Variants in SPOCK3 observed in about 807,000 individuals in gnomAD.
The protein encoded by SPOCK3 is testican-3.
A neutral mutation model predicts 56.6 loss-of-function variants in SPOCK3; 30 were observed. That is an observed-to-expected ratio of 0.53 (90% confidence interval 0.40 to 0.72). The LOEUF (loss-of-function observed/expected upper bound fraction) is 0.72, where lower values mean the gene tolerates loss of function less well. Ranked by LOEUF, SPOCK3 falls within the 30% of genes least tolerant of loss-of-function variation. The pLI is 0.00. For synonymous variants in SPOCK3, 196 were observed against 183.3 expected (o/e 1.07, Z -0.56); for missense variants, 527 against 530.0 (o/e 0.99, Z 0.06).
intron 4 of SPOCK3, among the ~76,000 whole-genome samples, chr4:166,970,462 G>A: frequency 6.6e-6 from 1 of 152,184 alleles, no homozygotes; most frequent in Non-Finnish European, 1.5e-5. Context: ...GGTGGCTTGT[G>A]CCTGTAATCC....
intron 3 of SPOCK3, among the ~76,000 whole-genome samples, chr4:167,053,979 A>G (rs11732359): frequency 0.13 from 19,934 of 152,130 alleles, 1,560 homozygotes; most frequent in East Asian, 0.17. Context: ...TTTTTAATTT[A>G]TTCATAATAA....
chr4:166,830,270 C>T (rs1745895887), intron 6 of SPOCK3, among the ~76,000 whole-genome samples: 1 of 152,166 alleles, frequency 6.6e-6, no homozygotes, highest in Non-Finnish European at 1.5e-5. Context: ...GCTTTCAAAT[C>T]AGATCATTTA....
At chr4:167,226,194 G>T (rs1736576910) in intron 2 of SPOCK3, among the ~76,000 whole-genome samples, 1 of 152,170 alleles carries the variant, frequency 6.6e-6, no homozygotes, top group South Asian at 2.1e-4. Flanking sequence ...TTGGTAAGTA[G>T]ATTCAGTCTC....
At chr4:166,766,634 T>C (rs545801222) in intron 7 of SPOCK3, among the ~76,000 whole-genome samples, 1 of 152,344 alleles carries the variant, frequency 6.6e-6, no homozygotes, top group South Asian at 2.1e-4. Context: ...ATCAGCGATA[T>C]TGGTCTAAAA....
At chr4:167,055,282 T>A (rs1233134820) in intron 3 of SPOCK3, among the ~76,000 whole-genome samples, 1 of 152,288 alleles carries the variant, frequency 6.6e-6, no homozygotes, top group Non-Finnish European at 1.5e-5. Context: ...TTAAGTTCAA[T>A]ACATTAATAA....
At chr4:167,168,947 G>A (rs1305438310) in intron 2 of SPOCK3, among the ~76,000 whole-genome samples, 1 of 152,136 alleles carries the variant, frequency 6.6e-6, no homozygotes, top group African/African-American at 2.4e-5. Context: ...AGGATCCAAG[G>A]TACACATTGG....
chr4:167,107,519 T>C (rs915340527), intron 2 of SPOCK3, among the ~76,000 whole-genome samples: 1 of 151,936 alleles, frequency 6.6e-6, no homozygotes. Flanking sequence ...AATCCATGTA[T>C]GACAGACCCA....
chr4:166,892,086 T>C (rs1478415876), intron 5 of SPOCK3, among the ~76,000 whole-genome samples: 1 of 152,034 alleles, frequency 6.6e-6, no homozygotes, highest in Non-Finnish European at 1.5e-5. Flanking sequence ...TGCCCAAAAG[T>C]TGATGATTCA....
intron 2 of SPOCK3, among the ~76,000 whole-genome samples, chr4:167,198,872 A>C (rs920955471): frequency 3.3e-5 from 5 of 152,146 alleles, no homozygotes; most frequent in African/African-American, 9.7e-5. Flanking sequence ...AATCCTATTT[A>C]ATCAGACCTA....
intron 6 of SPOCK3, among the ~76,000 whole-genome samples, chr4:166,888,240 C>T (rs993866078): frequency 9.2e-5 from 14 of 152,120 alleles, no homozygotes; most frequent in African/African-American, 3.1e-4. Flanking sequence ...TTCCTATTTG[C>T]ATATCCATTC....
chr4:167,210,560 A>T (rs2111024756), intron 2 of SPOCK3, among the ~76,000 whole-genome samples: 1 of 152,288 alleles, frequency 6.6e-6, no homozygotes, highest in African/African-American at 2.4e-5. Context: ...ATTTAATATA[A>T]ATTCTATAAA....
chr4:167,090,243 T>C (rs1285557176), intron 2 of SPOCK3, among the ~76,000 whole-genome samples: 1 of 152,150 alleles, frequency 6.6e-6, no homozygotes, highest in Non-Finnish European at 1.5e-5. Context: ...CCAGGGGTAA[T>C]GTGTAAAAAT....
At chr4:167,011,777 T>G (rs1331353845) in intron 3 of SPOCK3, among the ~76,000 whole-genome samples, 1 of 152,120 alleles carries the variant, frequency 6.6e-6, no homozygotes, top group Non-Finnish European at 1.5e-5. Context: ...TCAGTCTCTT[T>G]TGGAGACCAT....
intron 2 of SPOCK3, among the ~76,000 whole-genome samples, chr4:167,205,323 T>A (rs1390702917): frequency 1.6e-4 from 7 of 43,922 alleles, no homozygotes; most frequent in African/African-American, 5.8e-4. Flanking sequence ...ATTTTATATA[T>A]ATAATATATA....
intron 2 of SPOCK3, among the ~76,000 whole-genome samples, chr4:167,107,834 C>G (rs1760303407): frequency 6.6e-6 from 1 of 151,536 alleles, no homozygotes; most frequent in South Asian, 2.1e-4. Flanking sequence ...AAAAAGTAAC[C>G]CCATTTAAAA....
intron 4 of SPOCK3, among the ~76,000 whole-genome samples, chr4:166,945,936 T>C (rs1392239225): frequency 6.6e-6 from 1 of 152,182 alleles, no homozygotes; most frequent in Non-Finnish European, 1.5e-5. Flanking sequence ...GGATTAATTG[T>C]TCAGAAGTAG....
At chr4:166,745,093 A>G (rs892871671) in intron 8 of SPOCK3, among the ~76,000 whole-genome samples, 3 of 152,188 alleles carry the variant, frequency 2.0e-5, no homozygotes, top group Non-Finnish European at 4.4e-5. Flanking sequence ...AACTTCCCCA[A>G]CCTAGCAAGG....
At chr4:166,877,808 T>C (rs1445456571) in intron 6 of SPOCK3, among the ~76,000 whole-genome samples, 1 of 152,200 alleles carries the variant, frequency 6.6e-6, no homozygotes, top group Non-Finnish European at 1.5e-5. Context: ...ACTAATTATG[T>C]AAAAATAGTA....
At chr4:166,806,496 A>G (rs1743179057) in intron 6 of SPOCK3, among the ~76,000 whole-genome samples, 1 of 152,062 alleles carries the variant, frequency 6.6e-6, no homozygotes, top group South Asian at 2.1e-4. Flanking sequence ...TGTTATGGCA[A>G]CATATAATAT....
Sources: gnomAD v4.1 joint callset for allele counts (sites outside exome capture counted in the v4.1 genomes callset) on GRCh38, gnomAD v4.1.1 for gene constraint, MANE v1.5 for transcripts, NCBI Gene and HGNC (gene_info 2026-07-23, HGNC 2026-07-21) for gene names.